Variants in CPA6 observed in about 807,000 individuals in gnomAD.
The protein encoded by CPA6 is carboxypeptidase B.
A neutral mutation model predicts 63.3 loss-of-function variants in CPA6; 58 were observed. The observed-to-expected ratio is 0.92, with a 90% CI of 0.74 to 1.14. The LOEUF (loss-of-function observed/expected upper bound fraction) is 1.14, where lower values mean the gene tolerates loss of function less well. Ranked by LOEUF, CPA6 falls within the 50% of genes most tolerant of loss-of-function variation. CPA6 has a pLI of 0.00. For missense variants in CPA6, 565 were observed against 526.6 expected, an observed-to-expected ratio of 1.07 and a Z score of -0.71; for synonymous variants, 185 against 179.0, an observed-to-expected ratio of 1.03 and a Z score of -0.27.
intron 8 of CPA6, among the ~76,000 whole-genome samples, chr8:67,438,145 T>C (rs1182542571): frequency 6.6e-6 from 1 of 152,214 alleles, no homozygotes; most frequent in Admixed American, 6.5e-5. Flanking sequence ...CTTGAACTCC[T>C]GACCTCAAGT....
intron 1 of CPA6, among the ~76,000 whole-genome samples, chr8:67,744,814 A>G (rs1817978173): frequency 6.6e-6 from 1 of 152,144 alleles, no homozygotes; most frequent in Non-Finnish European, 1.5e-5. Flanking sequence ...CGTTCCTCCC[A>G]GAAATACTGG....
intron 1 of CPA6, chr8:67,735,137 C>G (rs998493467): frequency 6.6e-6 from 1 of 152,120 alleles, no homozygotes; most frequent in African/African-American, 2.4e-5. Flanking sequence ...AATATACTTG[C>G]ATTTTCATTT....
In CPA6 at chr8:67,513,248, A is replaced by G. The variant is rs530392662; in HGVS notation, c.318-1593T>C. On this transcript the variant is annotated intron_variant, in intron 3 of 10. Coordinates refer to ENST00000297770, the MANE Select transcript of CPA6 (RefSeq NM_020361.5). ...GGAAGTTACAGATGATTAGGCTTGT[A>G]TGGGCTAAAGAATTTTACAATATTG... 2.0e-5 allele frequency among the ~76,000 whole-genome samples: 3 copies of G among 152,266 alleles called. No individual in the cohort carries two copies. In the East Asian group the frequency reaches 5.8e-4, roughly 29 times the overall value.
At chr8:67,733,433 T>G (rs1817754239) in intron 1 of CPA6, among the ~76,000 whole-genome samples, 2 of 151,926 alleles carry the variant, frequency 1.3e-5, no homozygotes, top group African/African-American at 4.8e-5. Flanking sequence ...TTCCCACGCG[T>G]GGAAGTTTCT....
At chr8:67,611,566 C>G (rs1029102158) in intron 2 of CPA6, among the ~76,000 whole-genome samples, 2 of 152,174 alleles carry the variant, frequency 1.3e-5, no homozygotes, top group African/African-American at 4.8e-5. Flanking sequence ...CAGATCTACC[C>G]TCTTTTTGTC....
Position 67,505,511 on chromosome 8 carries a change from A to G in CPA6, c.636+1276T>C, listed in dbSNP as rs77179610. Among the ~76,000 whole-genome samples, 25 of 152,190 alleles carry G rather than the reference A, an allele frequency of 1.6e-4. No homozygotes were observed. In the East Asian group the frequency reaches 4.8e-3, roughly 29 times the overall value. ...AACAACAGATGTTCTGTACTTAACT[A>G]TTTCTTTTTTTTTAACCTGAAATAG... On this transcript the variant is annotated intron_variant, in intron 6 of 10. Coordinates refer to ENST00000297770, the MANE Select transcript of CPA6 (RefSeq NM_020361.5).
At chr8:67,446,144 TAGTCCCAGCTACTCTGG>T (rs1810407634) in intron 8 of CPA6, among the ~76,000 whole-genome samples, 1 of 151,696 alleles carries the variant, frequency 6.6e-6, no homozygotes, top group Admixed American at 6.6e-5. Context: ...CAGGCTCCTG[TAGTCCCAGCTACTCTGG>T]AGGCTGAGGC....
intron 2 of CPA6, among the ~76,000 whole-genome samples, chr8:67,613,881 G>A (rs960122868): frequency 1.3e-5 from 2 of 152,144 alleles, no homozygotes; most frequent in African/African-American, 2.4e-5. Context: ...GAATGATGCG[G>A]CAGAGAGAGA....
At chr8:67,465,249 T>C (rs767060249) in intron 8 of CPA6, among the ~76,000 whole-genome samples, 35 of 152,096 alleles carry the variant, frequency 2.3e-4, no homozygotes, top group Non-Finnish European at 4.6e-4. Flanking sequence ...CTGGTAGTTT[T>C]ATTTTATTTT....
intron 1 of CPA6, among the ~76,000 whole-genome samples, chr8:67,687,334 A>G (rs1816727940): frequency 6.6e-6 from 1 of 152,192 alleles, no homozygotes; most frequent in African/African-American, 2.4e-5. Context: ...GTTATAAGAT[A>G]TGACCCAGGA....
intron 1 of CPA6, among the ~76,000 whole-genome samples, chr8:67,628,161 C>T (rs1484256982): frequency 6.6e-6 from 1 of 151,654 alleles, no homozygotes; most frequent in South Asian, 2.1e-4. Flanking sequence ...TGCAGTGAGC[C>T]GAGATTGAGC....
At chr8:67,549,845 C>T (rs1412263776) in intron 2 of CPA6, among the ~76,000 whole-genome samples, 1 of 152,126 alleles carries the variant, frequency 6.6e-6, no homozygotes, top group African/African-American at 2.4e-5. Context: ...ATAATATTCC[C>T]TTGTTCGTAT....
chr8:67,428,003 G>A, intron 10 of CPA6, 44 bp downstream of exon 10: 1 of 1,303,480 alleles, frequency 7.7e-7, no homozygotes, highest in South Asian at 1.2e-5. Flanking sequence ...CAGGATATTG[G>A]TTCAAGAGAG....
At chr8:67,532,413 C>T (rs1321488192) in intron 2 of CPA6, among the ~76,000 whole-genome samples, 1 of 152,070 alleles carries the variant, frequency 6.6e-6, no homozygotes, top group African/African-American at 2.4e-5. Context: ...TGCAATGGCT[C>T]ACATCTGTAG....
intron 1 of CPA6, among the ~76,000 whole-genome samples, chr8:67,641,958 G>T (rs1421745824): frequency 1.3e-5 from 2 of 152,156 alleles, no homozygotes; most frequent in African/African-American, 2.4e-5. Flanking sequence ...TCTCTAAAAT[G>T]TAAGGTACCT....
rs538770777 is a variant in CPA6 at position 67,649,329 on chromosome 8, A to G, written c.117-25078T>C. 3.0e-4 allele frequency among the ~76,000 whole-genome samples: 45 copies of G among 152,314 alleles called. No homozygotes were observed. In the South Asian group the frequency reaches 8.5e-3, roughly 29 times the overall value. ...ATTATCAGTGACAACTGACTGAACTAAAGAGTCTGCAGGGAACTTGTCTCT... is the reference window on the plus strand; with the variant it reads ...ATTATCAGTGACAACTGACTGAACTGAAGAGTCTGCAGGGAACTTGTCTCT... On this transcript the variant is annotated intron_variant, in intron 1 of 10. Transcript: ENST00000297770.
intron 1 of CPA6, among the ~76,000 whole-genome samples, chr8:67,699,202 G>C (rs1430439298): frequency 6.6e-6 from 1 of 152,156 alleles, no homozygotes; most frequent in East Asian, 1.9e-4. Flanking sequence ...TGGATTACTT[G>C]ACCTCAGGAG....
At chr8:67,490,084 C>G (rs915030383) in intron 6 of CPA6, among the ~76,000 whole-genome samples, 1 of 152,090 alleles carries the variant, frequency 6.6e-6, no homozygotes, top group African/African-American at 2.4e-5. Flanking sequence ...AGAATCATCA[C>G]GACGTGATGA....
chr8:67,577,514 T>C (rs1188345841), intron 2 of CPA6, among the ~76,000 whole-genome samples: 1 of 152,136 alleles, frequency 6.6e-6, no homozygotes, highest in Non-Finnish European at 1.5e-5. Context: ...TAGGCATCTT[T>C]CTTACGCTCT....
Sources: allele counts gnomAD v4.1 joint callset (sites outside exome capture counted in the v4.1 genomes callset), GRCh38; gene constraint gnomAD v4.1.1; transcripts MANE v1.5; gene names NCBI Gene and HGNC (gene_info 2026-07-23, HGNC 2026-07-21).